ANKFN1: variants seen among roughly 807,000 people sequenced by gnomAD.
The protein encoded by ANKFN1 is ankyrin repeat and fibronectin type III domain containing 1.
A neutral mutation model predicts 108.7 loss-of-function variants in ANKFN1; 74 were observed. The observed-to-expected ratio is 0.68, with a 90% CI of 0.56 to 0.83. ANKFN1 has a LOEUF of 0.83. Ranked by LOEUF, ANKFN1 falls within the 40% of genes least tolerant of loss-of-function variation. The pLI is 0.00. For missense variants in ANKFN1, 1,505 were observed against 1,382.3 expected (o/e 1.09, Z -1.41); for synonymous variants, 547 against 516.2 (o/e 1.06, Z -0.81).
intron 14 of ANKFN1, among the ~76,000 whole-genome samples, chr17:56,459,329 T>G (rs1191441471): frequency 1.3e-5 from 2 of 152,302 alleles, no homozygotes; most frequent in Non-Finnish European, 2.9e-5. Flanking sequence ...CAGGCTGGTC[T>G]CGAACTCCTG....
At chr17:56,127,327 A>G (rs2143326479) in intron 4 of ANKFN1, among the ~76,000 whole-genome samples, 1 of 151,058 alleles carries the variant, frequency 6.6e-6, no homozygotes, top group East Asian at 1.9e-4. Flanking sequence ...ATTTTATTTT[A>G]CTTTTTGAGA....
chr17:56,134,127 A>G (rs561213829), intron 4 of ANKFN1, among the ~76,000 whole-genome samples: 30 of 152,250 alleles, frequency 2.0e-4, no homozygotes. Flanking sequence ...GGAAACTTAT[A>G]TTTACCAGTT....
chr17:56,167,316 C>CATATATATATATATATAT (rs1469508922), intron 1 of ANKFN1, among the ~76,000 whole-genome samples: 2 of 75,748 alleles, frequency 2.6e-5, no homozygotes, highest in African/African-American at 1.2e-4. Context: ...CACACACACA[C>CATATATATATATATATAT]ACATATATAT....
intron 8 of ANKFN1, among the ~76,000 whole-genome samples, chr17:56,375,258 CT>C (rs2046915605): frequency 6.6e-6 from 1 of 152,082 alleles, no homozygotes; most frequent in Non-Finnish European, 1.5e-5. Flanking sequence ...GATAAGTAGG[CT>C]TTGGCCTGGA....
chr17:56,438,995 C>A (rs543660204), intron 8 of ANKFN1, among the ~76,000 whole-genome samples: 11 of 152,034 alleles, frequency 7.2e-5, no homozygotes, highest in African/African-American at 1.7e-4. Context: ...CAACCAAAAC[C>A]GGGGGAGGGG....
chr17:56,427,514 T>G (rs568873626), intron 8 of ANKFN1, among the ~76,000 whole-genome samples: 1 of 152,230 alleles, frequency 6.6e-6, no homozygotes, highest in East Asian at 1.9e-4. Context: ...ATAGACTCAG[T>G]ACAACCCCTT....
chr17:56,222,742 G>C (rs528654101), intron 2 of ANKFN1, among the ~76,000 whole-genome samples: 1 of 152,186 alleles, frequency 6.6e-6, no homozygotes, highest in Admixed American at 6.5e-5. Context: ...AATACACATA[G>C]AGGACACATC....
At chr17:56,447,320 G>A (rs1244473971) in intron 10 of ANKFN1, among the ~76,000 whole-genome samples, 2 of 152,222 alleles carry the variant, frequency 1.3e-5, no homozygotes, top group Admixed American at 6.5e-5. Flanking sequence ...AAGGAACAAA[G>A]ACTCTACAAA....
At chr17:56,373,142 T>C (rs2144773275) in intron 7 of ANKFN1, among the ~76,000 whole-genome samples, 1 of 152,314 alleles carries the variant, frequency 6.6e-6, no homozygotes, top group South Asian at 2.1e-4. Context: ...ATCTGGATGG[T>C]CTGATGCCCT....
At chr17:56,275,187 A>G (rs2043894388) in intron 3 of ANKFN1, among the ~76,000 whole-genome samples, 1 of 152,224 alleles carries the variant, frequency 6.6e-6, no homozygotes, top group Non-Finnish European at 1.5e-5. Flanking sequence ...AAAGTTGAGC[A>G]TAATGCATGA....
chr17:56,369,425 T>TA (rs143964847), intron 6 of ANKFN1, among the ~76,000 whole-genome samples: 4,070 of 149,590 alleles, frequency 0.027, 85 homozygotes, highest in Non-Finnish European at 0.041. Context: ...TTCTCAATTG[T>TA]AAAAAAAAAA....
intron 3 of ANKFN1, among the ~76,000 whole-genome samples, chr17:56,276,278 G>A (rs544480912): frequency 6.6e-6 from 1 of 152,196 alleles, no homozygotes; most frequent in East Asian, 1.9e-4. Flanking sequence ...ATTTGAGTTG[G>A]TTCCAAGTCT....
intron 18 of ANKFN1, among the ~76,000 whole-genome samples, chr17:56,491,860 C>A (rs562228174): frequency 3.9e-5 from 6 of 152,216 alleles, no homozygotes; most frequent in Admixed American, 6.5e-5. Context: ...CTTATTTTCC[C>A]AGTATGTGTG....
intron 4 of ANKFN1, among the ~76,000 whole-genome samples, chr17:56,336,961 T>A (rs2045828106): frequency 6.6e-6 from 1 of 152,174 alleles, no homozygotes; most frequent in Non-Finnish European, 1.5e-5. Context: ...TATTTCTGCC[T>A]TCCTTTCGTT....
intron 4 of ANKFN1, among the ~76,000 whole-genome samples, chr17:56,068,027 C>G (rs748537953): frequency 3.3e-5 from 5 of 152,122 alleles, no homozygotes; most frequent in South Asian, 2.1e-4. Context: ...CTGCAGACCT[C>G]TCTATGTGAA....
intron 4 of ANKFN1, among the ~76,000 whole-genome samples, chr17:56,057,114 T>C (rs975776115): frequency 6.6e-6 from 1 of 152,210 alleles, no homozygotes; most frequent in Non-Finnish European, 1.5e-5. Context: ...CAACTCCTCA[T>C]CTACTCAAGA....
intron 15 of ANKFN1, among the ~76,000 whole-genome samples, chr17:56,467,834 GAAAGAAAGAAAGAAAGAAAAAGGGAAA>G (rs2050175882): frequency 3.3e-5 from 2 of 60,294 alleles, no homozygotes; most frequent in Non-Finnish European, 6.2e-5. Flanking sequence ...AAGAAAGAAA[GAAAGAAAGAAAGAAAGAAAAAGGGAAA>G]GAAAGAAAGA....
chr17:56,227,993 C>A, intron 3 of ANKFN1, 36 bp downstream of exon 3: 1 of 1,568,764 alleles, frequency 6.4e-7, no homozygotes, highest in Non-Finnish European at 8.7e-7. Flanking sequence ...GTATCTACTT[C>A]TCAGCTGTAA....
chr17:56,502,088 T>G (rs2051389915), intron 20 of ANKFN1, among the ~76,000 whole-genome samples: 1 of 152,116 alleles, frequency 6.6e-6, no homozygotes, highest in South Asian at 2.1e-4. Context: ...GAAAGGGCAT[T>G]TTTTAAGGCA....
Sources: allele counts gnomAD v4.1 joint callset (sites outside exome capture counted in the v4.1 genomes callset), GRCh38; gene constraint gnomAD v4.1.1; transcripts MANE v1.5; gene names NCBI Gene and HGNC (gene_info 2026-07-23, HGNC 2026-07-21).